The following FAM13C variants were observed in gnomAD, a reference collection of about 807,000 sequenced individuals.
FAM13C encodes family with sequence similarity 13 member C, also known as protein FAM13C.
FAM13C carries 37 observed loss-of-function variants against 73.2 expected under a neutral mutation model. The ratio of observed to expected loss-of-function variants is 0.51; its 90% confidence interval spans 0.39 to 0.67. FAM13C has a LOEUF of 0.67. Among genes scored for constraint, FAM13C ranks in the 30% least tolerant of loss-of-function variants. The pLI, the probability that FAM13C is intolerant of heterozygous loss-of-function variation, is 0.00. For synonymous variants in FAM13C, 246 were observed against 260.9 expected (o/e 0.94, Z 0.55); for missense variants, 589 against 715.6 (o/e 0.82, Z 2.02).
chr10:59,338,477 T>A (rs561493457), intron 3 of FAM13C, among the ~76,000 whole-genome samples: 1 of 152,320 alleles, frequency 6.6e-6, no homozygotes, highest in African/African-American at 2.4e-5. Flanking sequence ...AAACTCTGCA[T>A]CTTGCCATCT....
At chr10:59,342,432 G>C (rs1853635421) in intron 3 of FAM13C, among the ~76,000 whole-genome samples, 1 of 152,018 alleles carries the variant, frequency 6.6e-6, no homozygotes, top group African/African-American at 2.4e-5. Flanking sequence ...GGGAGGAGAA[G>C]GTGCGTTTGA....
intron 6 of FAM13C, chr10:59,282,634 C>T (rs182318078): frequency 9.1e-4 from 138 of 152,216 alleles, no homozygotes; most frequent in African/African-American, 3.2e-3. Flanking sequence ...AGTCTGCAAA[C>T]TTGTGACCTC....
At chr10:59,272,688 G>A (rs1843851258) in intron 6 of FAM13C, among the ~76,000 whole-genome samples, 1 of 152,130 alleles carries the variant, frequency 6.6e-6, no homozygotes, top group Non-Finnish European at 1.5e-5. Context: ...CTTTCTGTGG[G>A]GCTCCAGCCA....
At chr10:59,288,546 C>T (rs1480291340) in intron 5 of FAM13C, among the ~76,000 whole-genome samples, 1 of 152,168 alleles carries the variant, frequency 6.6e-6, no homozygotes, top group African/African-American at 2.4e-5. Context: ...CACTTTCTCC[C>T]TCACTGTACT....
chr10:59,273,034 A>G (rs1843898047), intron 6 of FAM13C, among the ~76,000 whole-genome samples: 1 of 152,194 alleles, frequency 6.6e-6, no homozygotes, highest in Admixed American at 6.6e-5. Flanking sequence ...ATCTCTCTGA[A>G]ACTATTTATT....
intron 5 of FAM13C, among the ~76,000 whole-genome samples, chr10:59,291,864 C>G (rs992578750): frequency 2.8e-5 from 4 of 143,334 alleles, no homozygotes; most frequent in Non-Finnish European, 6.0e-5. Flanking sequence ...TCTCGGCTCA[C>G]TGCAAGCTCC....
At chr10:59,255,868 A>G (rs1358025248) in intron 10 of FAM13C, among the ~76,000 whole-genome samples, 1 of 152,158 alleles carries the variant, frequency 6.6e-6, no homozygotes, top group African/African-American at 2.4e-5. Context: ...TGCCCAAATA[A>G]AGGATTCTTG....
intron 5 of FAM13C, among the ~76,000 whole-genome samples, chr10:59,293,940 A>G (rs1846591681): frequency 6.6e-6 from 1 of 152,236 alleles, no homozygotes; most frequent in Admixed American, 6.5e-5. Flanking sequence ...GTTCAGCAGT[A>G]ATATTTTCTA....
chr10:59,272,436 G>A (rs1246106198), intron 6 of FAM13C, among the ~76,000 whole-genome samples: 1 of 152,218 alleles, frequency 6.6e-6, no homozygotes, highest in Non-Finnish European at 1.5e-5. Flanking sequence ...GCTCAGAAGA[G>A]GCTAGTGTAG....
intron 3 of FAM13C, among the ~76,000 whole-genome samples, chr10:59,340,837 A>G (rs576149250): frequency 5.3e-5 from 8 of 152,028 alleles, no homozygotes; most frequent in Admixed American, 2.0e-4. Flanking sequence ...AAAAACCACA[A>G]TTACTTTTGC....
At chr10:59,344,317 C>A (rs287154) in intron 3 of FAM13C, among the ~76,000 whole-genome samples, 2 of 145,580 alleles carry the variant, frequency 1.4e-5, no homozygotes, top group Non-Finnish European at 3.0e-5. Context: ...CTCGCTCTGT[C>A]GCCCAGGCTG....
intron 3 of FAM13C, among the ~76,000 whole-genome samples, chr10:59,342,208 C>G (rs1235588171): frequency 1.3e-5 from 2 of 152,252 alleles, no homozygotes; most frequent in East Asian, 3.9e-4. Context: ...ATCAAATTTT[C>G]AAGGCTTTAT....
chr10:59,252,044 C>A (rs969502890), intron 12 of FAM13C, among the ~76,000 whole-genome samples: 2 of 152,096 alleles, frequency 1.3e-5, no homozygotes, highest in Non-Finnish European at 2.9e-5. Flanking sequence ...TACAGAGGAG[C>A]AGCTTTTAAA....
At chr10:59,274,097 T>C (rs979737813) in intron 6 of FAM13C, among the ~76,000 whole-genome samples, 1 of 152,138 alleles carries the variant, frequency 6.6e-6, no homozygotes, top group African/African-American at 2.4e-5. Flanking sequence ...TCTGTGATTC[T>C]AATGAGGTTC....
At chr10:59,292,065 C>T (rs936886786) in intron 5 of FAM13C, among the ~76,000 whole-genome samples, 4 of 151,968 alleles carry the variant, frequency 2.6e-5, no homozygotes, top group South Asian at 2.1e-4. Flanking sequence ...TGGGATTACA[C>T]GTGTGAGCCA....
chr10:59,285,593 A>G (rs1401055000), intron 5 of FAM13C, among the ~76,000 whole-genome samples: 1 of 152,252 alleles, frequency 6.6e-6, no homozygotes, highest in Non-Finnish European at 1.5e-5. Context: ...TCATTGCTGC[A>G]TATCTAGCCA....
intron 3 of FAM13C, among the ~76,000 whole-genome samples, chr10:59,326,705 C>A (rs917204228): frequency 1.3e-5 from 2 of 152,110 alleles, no homozygotes; most frequent in South Asian, 2.1e-4. Flanking sequence ...GGGCAAATAG[C>A]CCCAGCAAAG....
chr10:59,317,185 A>T (rs542535089), intron 4 of FAM13C, among the ~76,000 whole-genome samples: 1 of 151,666 alleles, frequency 6.6e-6, no homozygotes, highest in South Asian at 2.1e-4. Context: ...GAAAAGGAAT[A>T]CCTCATTGAC....
At chr10:59,262,378 C>T in intron 10 of FAM13C, 56 bp downstream of exon 10, 1 of 1,476,494 alleles carries the variant, frequency 6.8e-7, no homozygotes, top group Non-Finnish European at 9.4e-7. Context: ...TGGATGATCT[C>T]ATTAGCACTG....
Sources: allele counts gnomAD v4.1 joint callset (sites outside exome capture counted in the v4.1 genomes callset), GRCh38; gene constraint gnomAD v4.1.1; transcripts MANE v1.5; gene names NCBI Gene and HGNC (gene_info 2026-07-23, HGNC 2026-07-21).